TRDN: variants seen among roughly 807,000 people sequenced by gnomAD.
TRDN encodes the protein triadin in skeletal muscle.
In TRDN, 161 loss-of-function variants were observed where a neutral mutation model predicts 149.7. That is an observed-to-expected ratio of 1.08 (90% CI 0.95 to 1.23). The LOEUF is 1.23. Among genes scored for constraint, TRDN ranks in the 50% most tolerant of loss-of-function variants. TRDN has a pLI of 0.00. For synonymous variants in TRDN, 294 were observed against 250.5 expected, an observed-to-expected ratio of 1.17 and a Z score of -1.64; for missense variants, 896 against 823.5, an observed-to-expected ratio of 1.09 and a Z score of -1.08.
At chr6:123,321,772 C>T (rs1779252645) in intron 23 of TRDN, among the ~76,000 whole-genome samples, 1 of 151,738 alleles carries the variant, frequency 6.6e-6, no homozygotes, top group Non-Finnish European at 1.5e-5. Context: ...AAGAGGAATG[C>T]TTATTTTGCA....
chr6:123,597,891 T>G (rs116826148), intron 1 of TRDN, among the ~76,000 whole-genome samples: 1 of 152,156 alleles, frequency 6.6e-6, no homozygotes, highest in Admixed American at 6.6e-5. Context: ...TTTAATGAGA[T>G]AATGGCTTTA....
At chr6:123,575,679 G>A (rs1274995376) in intron 1 of TRDN, among the ~76,000 whole-genome samples, 1 of 151,952 alleles carries the variant, frequency 6.6e-6, no homozygotes, top group African/African-American at 2.4e-5. Flanking sequence ...CTCACTTAAT[G>A]GCCATGCGAC....
rs575283766 is a variant in TRDN at position 123,246,503 on chromosome 6, G to A, written c.1975+5909C>T. Among the ~76,000 whole-genome samples the A allele has an allele frequency of 3.9e-4, 59 of 151,816 alleles. 1 individual carries two copies. The South Asian group carries it at 0.012, about 31-fold the overall frequency. On this transcript the variant is annotated intron_variant, in intron 38 of 40. Transcript: ENST00000334268. ...TCTAGAAGAAATGGATAAATTCCAG[G>A]ACACATACACCCTCCCAAGACCAAA... is the stretch of plus-strand genomic sequence containing the variant.
chr6:123,620,225 G>C (rs939846531), intron 1 of TRDN, among the ~76,000 whole-genome samples: 1 of 152,072 alleles, frequency 6.6e-6, no homozygotes, highest in Non-Finnish European at 1.5e-5. Flanking sequence ...AAACTTCAAC[G>C]TGTGTCAGAA....
chr6:123,552,774 C>A (rs1781460313), intron 2 of TRDN, among the ~76,000 whole-genome samples: 1 of 152,116 alleles, frequency 6.6e-6, no homozygotes, highest in African/African-American at 2.4e-5. Flanking sequence ...TTTCTCTAGT[C>A]CTGGTACTTC....
chr6:123,539,055 A>T (rs1415667663), intron 4 of TRDN, among the ~76,000 whole-genome samples: 3 of 152,192 alleles, frequency 2.0e-5, no homozygotes, highest in African/African-American at 7.2e-5. Context: ...GTGTCTGTAC[A>T]TGAGAATTAT....
chr6:123,549,453 G>GT (rs1290591294), intron 2 of TRDN, among the ~76,000 whole-genome samples: 1 of 151,988 alleles, frequency 6.6e-6, no homozygotes, highest in Non-Finnish European at 1.5e-5. Flanking sequence ...TTATCAAGCT[G>GT]TAATTAAATT....
chr6:123,333,920 G>C (rs572601299), intron 22 of TRDN, among the ~76,000 whole-genome samples: 4 of 151,974 alleles, frequency 2.6e-5, no homozygotes, highest in Non-Finnish European at 5.9e-5. Flanking sequence ...AATGGTGCTG[G>C]GATATAAAGT....
intron 1 of TRDN, among the ~76,000 whole-genome samples, chr6:123,626,235 A>G (rs9490838): frequency 0.11 from 16,665 of 152,088 alleles, 1,692 homozygotes; most frequent in African/African-American, 0.28. Context: ...TAATCCCAGC[A>G]CGTTGGGAGG....
chr6:123,620,765 C>T (rs1320474172), intron 1 of TRDN, among the ~76,000 whole-genome samples: 1 of 152,104 alleles, frequency 6.6e-6, no homozygotes, highest in Non-Finnish European at 1.5e-5. Flanking sequence ...TAAAGATGGG[C>T]AATCTTCATC....
At chr6:123,524,797 T>C (rs983592263) in intron 5 of TRDN, among the ~76,000 whole-genome samples, 2 of 152,184 alleles carry the variant, frequency 1.3e-5, no homozygotes, top group African/African-American at 4.8e-5. Context: ...ATAGTAACTT[T>C]ACATCTTACT....
At chr6:123,572,440 G>T (rs1422621982) in intron 1 of TRDN, among the ~76,000 whole-genome samples, 1 of 151,874 alleles carries the variant, frequency 6.6e-6, no homozygotes, top group Non-Finnish European at 1.5e-5. Flanking sequence ...ACTACTGTAT[G>T]GCTAGAAAGC....
At position 123,574,873 on chromosome 6, in the gene TRDN, TATATATATATATATATATATAC is replaced by T. The variant is rs1267049314; in HGVS notation, c.23-3763_23-3742del. ...TTATATATACATATATATATATATA[TATATATATATATATATATATAC>T]ACACATTTTCCTTTCTTTGATCAAA... On this transcript the variant is annotated intron_variant, in intron 1 of 40. Transcript: ENST00000334268. Among the ~76,000 whole-genome samples the T allele has an allele frequency of 7.9e-5, 10 of 125,858 alleles. 1 individual carries two copies. Among genetic ancestry groups the T allele is most frequent in the African/African-American group, 1.4e-4 (4 of 28,650 alleles). The allele number at this position is 125,858 out of a possible 152,430, so 82.6% of individuals were successfully genotyped here. A position where few individuals can be genotyped will look rare whatever the true frequency, so the allele number is the denominator to read the frequency against.
At chr6:123,366,936 C>T (rs1291899061) in intron 19 of TRDN, among the ~76,000 whole-genome samples, 1 of 152,142 alleles carries the variant, frequency 6.6e-6, no homozygotes, top group Non-Finnish European at 1.5e-5. Flanking sequence ...TGATTGCAAG[C>T]AAACAATATT....
In TRDN at chr6:123,541,016, G is replaced by T. The variant is rs573459678; in HGVS notation, c.424+6324C>A. On this transcript the variant is annotated intron_variant, in intron 4 of 40. Coordinates refer to ENST00000334268, the MANE Select transcript of TRDN (RefSeq NM_006073.4). ...ACTTTAAGCCATCTGCAGTCAACTA[G>T]CACATTAGTTTCTCTTGAATTTGAA... Among the ~76,000 whole-genome samples, 4 of 152,272 alleles carry T rather than the reference G, an allele frequency of 2.6e-5. No homozygotes were observed. In the South Asian group the frequency reaches 6.2e-4, roughly 24 times the overall value.
In TRDN at chr6:123,237,924, A is replaced by G. The variant is rs190684572; in HGVS notation, c.1976-13793T>C. Among the ~76,000 whole-genome samples the G allele has an allele frequency of 1.8e-3, 278 of 152,312 alleles. 1 individual carries two copies. The highest frequency in any genetic ancestry group is 6.4e-3 in the African/African-American group (265 of 41,578). Reference sequence around the variant, plus strand: ...ATATATTACACAGGAAGAAATGACAATTAAATTGATAACAGCATTCCCCTA... The same window carrying G: ...ATATATTACACAGGAAGAAATGACAGTTAAATTGATAACAGCATTCCCCTA... On this transcript the variant is annotated intron_variant, in intron 38 of 40. Transcript: ENST00000334268.
intron 5 of TRDN, among the ~76,000 whole-genome samples, chr6:123,517,009 C>T (rs1001999093): frequency 6.6e-6 from 1 of 152,098 alleles, no homozygotes; most frequent in African/African-American, 2.4e-5. Flanking sequence ...AGAACACTTG[C>T]TATGTGCTAA....
intron 1 of TRDN, among the ~76,000 whole-genome samples, chr6:123,634,730 G>A (rs934528809): frequency 2.7e-5 from 4 of 150,308 alleles, no homozygotes; most frequent in Admixed American, 6.6e-5. Flanking sequence ...ATTTTCATTT[G>A]AGAAATATTA....
intron 12 of TRDN, among the ~76,000 whole-genome samples, chr6:123,415,014 T>C (rs1466211287): frequency 6.6e-6 from 1 of 152,156 alleles, no homozygotes; most frequent in Non-Finnish European, 1.5e-5. Context: ...AAATATTAAT[T>C]GAGCATCTAC....
Sources: allele counts gnomAD v4.1 joint callset (sites outside exome capture counted in the v4.1 genomes callset), GRCh38; gene constraint gnomAD v4.1.1; transcripts MANE v1.5; gene names NCBI Gene and HGNC (gene_info 2026-07-23, HGNC 2026-07-21).